The following CEP104 variants were observed in gnomAD, a reference collection of about 807,000 sequenced individuals.
CEP104 encodes the protein centrosomal protein 104, also known as centrosomal protein of 104 kDa.
Under a neutral mutation model 113.3 loss-of-function variants are expected in CEP104, and 84 were observed. That is an observed-to-expected ratio of 0.74 (90% CI 0.62 to 0.89). The LOEUF is 0.89. Ranked by LOEUF, CEP104 falls within the 40% of genes least tolerant of loss-of-function variation. CEP104 has a pLI of 0.00. For synonymous variants in CEP104, 378 were observed against 421.7 expected, an observed-to-expected ratio of 0.90 and a Z score of 1.27; for missense variants, 1,053 against 1,156.6, an observed-to-expected ratio of 0.91 and a Z score of 1.30.
intron 1 of CEP104, among the ~76,000 whole-genome samples, chr1:3,855,208 T>C (rs1350245727): frequency 7.1e-6 from 1 of 140,928 alleles, no homozygotes; most frequent in African/African-American, 2.8e-5. Flanking sequence ...ATACAGGTTC[T>C]CGCTCTGTTG....
intron 12 of CEP104, 102 bp downstream of exon 12, chr1:3,833,760 A>G (rs552517672): frequency 8.9e-7 from 1 of 1,123,860 alleles, no homozygotes; most frequent in Admixed American, 2.2e-5. Context: ...AATAATGTTA[A>G]CTGAGTAGAG....
intron 4 of CEP104, among the ~76,000 whole-genome samples, chr1:3,847,137 A>C (rs1644522052): frequency 6.6e-6 from 1 of 152,274 alleles, no homozygotes; most frequent in African/African-American, 2.4e-5. Context: ...ATAGGTTAAC[A>C]CAACATATCC....
chr1:3,836,492 T>A lies in CEP104; in HGVS notation c.1317+3A>T, dbSNP rs35165199. On this transcript the variant is annotated splice_donor_region_variant and intron_variant, in intron 10 of 21. Transcript: ENST00000378230. ...CGTTTTTTTTTTTTTTTTTTTTTTT[T>A]ACCAAGGTTTCTCCCAACACATCGA... The A allele has an allele frequency of 1.2e-5, 18 of 1,543,042 alleles. No individual in the cohort carries two copies. Among genetic ancestry groups the A allele is most frequent in the Admixed American group, 4.1e-5 (2 of 49,216 alleles).
At chr1:3,832,565 A>G (rs1420487541) in intron 12 of CEP104, among the ~76,000 whole-genome samples, 1 of 152,184 alleles carries the variant, frequency 6.6e-6, no homozygotes, top group Non-Finnish European at 1.5e-5. Context: ...GTAGCACATT[A>G]GCATGACAGC....
At chr1:3,839,577 A>C (rs2124677537) in intron 7 of CEP104, 31 bp downstream of exon 7, 1 of 1,587,138 alleles carries the variant, frequency 6.3e-7, no homozygotes, top group East Asian at 2.2e-5. Context: ...TACAGGCATA[A>C]ATTAGGAACT....
chr1:3,824,877 C>CAGTGGCACCGTGGGAAGGGT (rs1644055694), intron 18 of CEP104, among the ~76,000 whole-genome samples: 2 of 104,838 alleles, frequency 1.9e-5, no homozygotes, highest in Non-Finnish European at 4.0e-5. Context: ...GTGGGAAGGG[C>CAGTGGCACCGTGGGAAGGGT]GGCAGTGGCA....
chr1:3,850,105 T>A (rs1644582700), intron 2 of CEP104, among the ~76,000 whole-genome samples: 5 of 152,324 alleles, frequency 3.3e-5, no homozygotes, highest in Admixed American at 3.3e-4. Flanking sequence ...CTGTACCATC[T>A]GGGTTTGAGG....
intron 12 of CEP104, among the ~76,000 whole-genome samples, chr1:3,832,513 CGTGACCAGGAGTGT>C (rs1644234271): frequency 6.1e-5 from 8 of 130,978 alleles, no homozygotes; most frequent in South Asian, 2.4e-4. Context: ...TAGTGTAGGT[CGTGACCAGGAGTGT>C]AGTGTAGGTC....
At chr1:3,824,451 A>G (rs1169099020) in intron 18 of CEP104, among the ~76,000 whole-genome samples, 1 of 152,198 alleles carries the variant, frequency 6.6e-6, no homozygotes, top group Non-Finnish European at 1.5e-5. Flanking sequence ...GTTACACAGG[A>G]CACGAATAGC....
chr1:3,854,509 C>CG (rs1431322772), intron 1 of CEP104, among the ~76,000 whole-genome samples: 1 of 152,180 alleles, frequency 6.6e-6, no homozygotes, highest in Non-Finnish European at 1.5e-5. Context: ...CAATCTATCA[C>CG]CCAGGCTGGA....
intron 11 of CEP104, among the ~76,000 whole-genome samples, chr1:3,834,366 C>T (rs1055477123): frequency 6.7e-6 from 1 of 150,286 alleles, no homozygotes; most frequent in Non-Finnish European, 1.5e-5. Flanking sequence ...CAAATCTTCC[C>T]TTCATACCGA....
At chr1:3,832,567 C>T (rs1644237207) in intron 12 of CEP104, among the ~76,000 whole-genome samples, 1 of 112,938 alleles carries the variant, frequency 8.9e-6, no homozygotes, top group African/African-American at 4.1e-5. Flanking sequence ...AGCACATTAG[C>T]ATGACAGCAT....
intron 20 of CEP104, among the ~76,000 whole-genome samples, chr1:3,821,823 C>CT (rs1384034748): frequency 6.6e-6 from 1 of 152,210 alleles, no homozygotes; most frequent in Admixed American, 6.5e-5. Context: ...CAGCTCCTTC[C>CT]TTCACCAAGT....
chr1:3,852,176 T>C, intron 2 of CEP104, 119 bp downstream of exon 2: 2 of 922,112 alleles, frequency 2.2e-6, no homozygotes, highest in Middle Eastern at 3.2e-4. Flanking sequence ...GCTGACATCC[T>C]TGGTCCTGAT....
intron 15 of CEP104, among the ~76,000 whole-genome samples, chr1:3,828,282 G>A (rs2124652927): frequency 6.6e-6 from 1 of 152,252 alleles, no homozygotes; most frequent in East Asian, 1.9e-4. Flanking sequence ...GCCACTGAGG[G>A]TCACTGAGCA....
Position 3,812,773 on chromosome 1 carries a change from G to A in CEP104, c.*2629C>T, listed in dbSNP as rs982110276. The A allele has an allele frequency of 3.3e-5, 5 of 152,126 alleles. No homozygotes were observed. The highest frequency in any genetic ancestry group is 9.7e-5 in the African/African-American group (4 of 41,410). 9.4% of individuals were successfully genotyped at this position (152,126 alleles called of 1,614,324 possible). A position where few individuals can be genotyped will look rare whatever the true frequency, so the allele number is the denominator to read the frequency against. Reference sequence around the variant, plus strand: ...GAGAATTGCTCGAACCCGGGAGGCGGAGGTTGCAGGGGGCCAAGATCGCGC... The same window carrying A: ...GAGAATTGCTCGAACCCGGGAGGCGAAGGTTGCAGGGGGCCAAGATCGCGC... On this transcript the variant is annotated 3_prime_UTR_variant, in exon 22 of 22. Coordinates refer to ENST00000378230, the MANE Select transcript of CEP104 (RefSeq NM_014704.4).
rs907782973 is a variant in CEP104, at chr1:3,817,749, T to G, written c.2572-1379A>C. ...CACAGAGGTGGCAGGTCCCTCTCCA[T>G]CCCTTGAATCTGGGTGACTGTGGCT... On this transcript the variant is annotated intron_variant, in intron 20 of 21. Transcript: ENST00000378230. 3.3e-5 allele frequency among the ~76,000 whole-genome samples: 5 copies of G among 152,318 alleles called. 1 individual carries two copies. The South Asian group carries it at 8.3e-4, about 25-fold the overall frequency.
At chr1:3,842,017 G>C (rs568501807) in intron 6 of CEP104, among the ~76,000 whole-genome samples, 1 of 152,346 alleles carries the variant, frequency 6.6e-6, no homozygotes, top group East Asian at 1.9e-4. Flanking sequence ...TGAAGGATGG[G>C]AAGAGTACTG....
Position 3,848,634 on chromosome 1 carries a change from A to G in CEP104, c.261T>C (p.Tyr87=). 3 of 1,613,278 alleles carry G rather than the reference A, an allele frequency of 1.9e-6. No homozygotes were observed. Among genetic ancestry groups the G allele is most frequent in the Non-Finnish European group, 2.5e-6 (3 of 1,179,796 alleles). Residue 87 remains tyrosine (Y), a synonymous_variant, in exon 3 of 22, where the codon TAT becomes TAC. Coordinates refer to ENST00000378230, the MANE Select transcript of CEP104 (RefSeq NM_014704.4). ...SESLPEYFAP[Y]QAERFRRLGY... ...CAAGTCTTCGAAACCGCTCTGCTTG[A>G]TAGGGTGCAAAATATTCAGGCAAGC...
Sources: gnomAD v4.1 joint callset for allele counts (sites outside exome capture counted in the v4.1 genomes callset) on GRCh38, gnomAD v4.1.1 for gene constraint, MANE v1.5 for transcripts, NCBI Gene and HGNC (gene_info 2026-07-23, HGNC 2026-07-21) for gene names.